The following FUT9 variants were observed in gnomAD, a reference collection of about 807,000 sequenced individuals.
The protein encoded by FUT9 is 4-galactosyl-N-acetylglucosaminide 3-alpha-L-fucosyltransferase 9.
FUT9 carries 15 observed loss-of-function variants against 29.7 expected under a neutral mutation model. The observed-to-expected ratio is 0.51, with a 90% CI of 0.34 to 0.78. The LOEUF is 0.78. Among genes scored for constraint, FUT9 ranks in the 30% least tolerant of loss-of-function variants. FUT9 has a pLI of 0.01. For synonymous variants in FUT9, 169 were observed against 153.7 expected, an observed-to-expected ratio of 1.10 and a Z score of -0.74; for missense variants, 319 against 425.4, an observed-to-expected ratio of 0.75 and a Z score of 2.20.
At chr6:96,026,166 A>G (rs1029476870) in intron 1 of FUT9, among the ~76,000 whole-genome samples, 1 of 151,716 alleles carries the variant, frequency 6.6e-6, no homozygotes, top group Non-Finnish European at 1.5e-5. Flanking sequence ...GCAAAATGTG[A>G]AAGACCCATG....
intron 2 of FUT9, among the ~76,000 whole-genome samples, chr6:96,116,916 A>G (rs1234222282): frequency 6.6e-6 from 1 of 152,166 alleles, no homozygotes; most frequent in African/African-American, 2.4e-5. Flanking sequence ...AGAACTGTAC[A>G]ACACAATGAG....
intron 1 of FUT9, among the ~76,000 whole-genome samples, chr6:96,080,657 C>T (rs1455738145): frequency 2.0e-5 from 3 of 151,928 alleles, no homozygotes; most frequent in African/African-American, 7.2e-5. Context: ...TGACCATGTA[C>T]CTTCTTCCAT....
chr6:96,154,825 A>C (rs1396224273), intron 2 of FUT9, among the ~76,000 whole-genome samples: 1 of 152,250 alleles, frequency 6.6e-6, no homozygotes. Flanking sequence ...TTTCATGTGA[A>C]CACTTCTGAA....
At chr6:96,189,177 G>T (rs1035228000) in intron 2 of FUT9, among the ~76,000 whole-genome samples, 3 of 152,006 alleles carry the variant, frequency 2.0e-5, no homozygotes, top group African/African-American at 7.2e-5. Flanking sequence ...GCTAAAAAGT[G>T]AAAAGGAATA....
At chr6:96,079,804 A>G (rs1771206368) in intron 1 of FUT9, among the ~76,000 whole-genome samples, 1 of 152,180 alleles carries the variant, frequency 6.6e-6, no homozygotes, top group Non-Finnish European at 1.5e-5. Flanking sequence ...AATGTTAGCT[A>G]TCAAAGTCCA....
At chr6:96,075,859 A>G (rs535041657) in intron 1 of FUT9, among the ~76,000 whole-genome samples, 2 of 152,296 alleles carry the variant, frequency 1.3e-5, no homozygotes, top group African/African-American at 2.4e-5. Flanking sequence ...TAAAAGAATG[A>G]CATTTCTTTT....
intron 1 of FUT9, among the ~76,000 whole-genome samples, chr6:96,105,221 T>C (rs1321542078): frequency 6.6e-6 from 1 of 152,252 alleles, no homozygotes; most frequent in Non-Finnish European, 1.5e-5. Context: ...AATTGCCTTA[T>C]GTTCTGAACA....
chr6:96,046,221 G>GCACACACACACACA (rs139036869), intron 1 of FUT9, among the ~76,000 whole-genome samples: 24 of 148,192 alleles, frequency 1.6e-4, no homozygotes, highest in African/African-American at 5.7e-4. Flanking sequence ...ACACAGATAT[G>GCACACACACACACA]CACACACACA....
At chr6:96,189,402 C>G (rs539659166) in intron 2 of FUT9, among the ~76,000 whole-genome samples, 23 of 151,966 alleles carry the variant, frequency 1.5e-4, no homozygotes, top group Admixed American at 4.6e-4. Flanking sequence ...TGGAATTCAT[C>G]AACAGCCCTA....
chr6:96,089,822 C>T (rs1317074935), intron 1 of FUT9, among the ~76,000 whole-genome samples: 2 of 152,122 alleles, frequency 1.3e-5, no homozygotes, highest in African/African-American at 4.8e-5. Context: ...CCACAATACC[C>T]ATATGGCATT....
chr6:96,130,988 G>A (rs144818276), intron 2 of FUT9, among the ~76,000 whole-genome samples: 391 of 152,138 alleles, frequency 2.6e-3, no homozygotes, highest in Middle Eastern at 6.8e-3. Flanking sequence ...CTTATAAGAC[G>A]GGGTTAATAA....
chr6:96,147,286 G>A (rs368238717), intron 2 of FUT9, among the ~76,000 whole-genome samples: 2 of 151,238 alleles, frequency 1.3e-5, no homozygotes, highest in African/African-American at 4.9e-5. Context: ...CTCAGCTTCC[G>A]AGTAGCTGGG....
At chr6:96,190,312 C>T (rs564892968) in intron 2 of FUT9, among the ~76,000 whole-genome samples, 21 of 152,214 alleles carry the variant, frequency 1.4e-4, no homozygotes, top group African/African-American at 3.6e-4. Flanking sequence ...GTGGGTAACC[C>T]GACCTTTCTC....
At chr6:96,030,340 C>CA (rs1044242686) in intron 1 of FUT9, among the ~76,000 whole-genome samples, 3 of 150,662 alleles carry the variant, frequency 2.0e-5, no homozygotes, top group African/African-American at 4.9e-5. Flanking sequence ...ACATGGTAGG[C>CA]AAAAAAAGTA....
At chr6:96,127,029 C>T (rs1772145745) in intron 2 of FUT9, among the ~76,000 whole-genome samples, 1 of 152,134 alleles carries the variant, frequency 6.6e-6, no homozygotes, top group African/African-American at 2.4e-5. Flanking sequence ...TTAAAAACTA[C>T]TGTTTTTTTA....
chr6:96,091,244 A>C (rs1180397393), intron 1 of FUT9, among the ~76,000 whole-genome samples: 2 of 152,084 alleles, frequency 1.3e-5, no homozygotes, highest in Non-Finnish European at 2.9e-5. Flanking sequence ...TCTTCCCATA[A>C]ATGTTTAACC....
At chr6:96,102,905 T>G (rs1320456607) in intron 1 of FUT9, among the ~76,000 whole-genome samples, 1 of 152,178 alleles carries the variant, frequency 6.6e-6, no homozygotes, top group Non-Finnish European at 1.5e-5. Flanking sequence ...TGACATGCTG[T>G]GCCAATAGAC....
chr6:96,044,924 A>C (rs1460322903), intron 1 of FUT9, among the ~76,000 whole-genome samples: 1 of 152,214 alleles, frequency 6.6e-6, no homozygotes, highest in Non-Finnish European at 1.5e-5. Context: ...ACAGCCTTAT[A>C]TGTTCTACCC....
rs151138332 is a variant in FUT9 at position 96,203,587 on chromosome 6, A to G, written c.432A>G (p.Gln144=). The change falls in exon 3 of 3, where the codon CAA becomes CAG. Residue 144 remains glutamine (Q), a synonymous_variant. Coordinates refer to ENST00000302103, the MANE Select transcript of FUT9 (RefSeq NM_006581.4). The part of the protein sequence containing the change: ...MNLESPTHTP[Q]KSGIEHLFNL... ...TGGAATCACCAACTCACACTCCCCA[A>G]AAGAGTGGCATTGAGCACTTGTTTA... The G allele has an allele frequency of 1.1e-5, 17 of 1,613,742 alleles. No homozygotes were observed. Among genetic ancestry groups the G allele is most frequent in the Middle Eastern group, 1.6e-4 (1 of 6,084 alleles).
Sources: gnomAD v4.1 joint callset for allele counts (sites outside exome capture counted in the v4.1 genomes callset) on GRCh38, gnomAD v4.1.1 for gene constraint, MANE v1.5 for transcripts, NCBI Gene and HGNC (gene_info 2026-07-23, HGNC 2026-07-21) for gene names.